OSBPL2: variants seen among roughly 807,000 people sequenced by gnomAD.
OSBPL2 encodes oxysterol binding protein like 2.
OSBPL2 carries 18 observed loss-of-function variants against 58.4 expected under a neutral mutation model. The ratio of observed to expected loss-of-function variants is 0.31; its 90% CI spans 0.21 to 0.46. The LOEUF (loss-of-function observed/expected upper bound fraction) is 0.46, where lower values mean the gene tolerates loss of function less well. Ranked by LOEUF, OSBPL2 falls within the 20% of genes least tolerant of loss-of-function variation. The probability of loss-of-function intolerance (pLI) is 1.00; values close to 1 mark genes in which losing one functional copy is unlikely to be tolerated. For synonymous variants in OSBPL2, 221 were observed against 234.1 expected (o/e 0.94, Z 0.51); for missense variants, 461 against 616.5 (o/e 0.75, Z 2.67).
intron 1 of OSBPL2, among the ~76,000 whole-genome samples, chr20:62,240,136 A>C (rs1979624787): frequency 6.6e-6 from 1 of 152,072 alleles, no homozygotes; most frequent in Non-Finnish European, 1.5e-5. Context: ...TCCAGGTGCG[A>C]GCCACCGCGC....
rs1983340559 is a variant in OSBPL2 at position 62,289,327 on chromosome 20, A to T, written c.1246A>T (p.Met416Leu). The change falls in exon 12 of 14, where the codon ATG becomes TTG. Residue 416 changes from methionine (M) to leucine (L), a missense_variant. Met to Leu is a conservative substitution (Grantham distance 15). Around this residue, in one of 5 missense-constraint regions of OSBPL2, gnomAD observed 319 missense variants for 419.2 expected, o/e 0.76. Transcript: ENST00000313733. ...CATCCGCGGCATGGAGAATGGCAAC[A>T]TGGGTGCGTCCACGCAGTCAGAGGA... ...PDIRGMENGN[M>L]DLASQEKERL... The T allele has an allele frequency of 6.2e-7, 1 of 1,612,446 alleles. No homozygotes were observed. The highest frequency in any genetic ancestry group is 8.5e-7 in the Non-Finnish European group (1 of 1,179,286).
chr20:62,243,376 T>C (rs1357740086), intron 1 of OSBPL2, among the ~76,000 whole-genome samples: 2 of 152,138 alleles, frequency 1.3e-5, no homozygotes, highest in Non-Finnish European at 2.9e-5. Context: ...GTGCCTGAGC[T>C]GGGGCCAGGG....
rs539567780 is a variant in OSBPL2, at chr20:62,279,548, C to T, written c.674+209C>T. 18 of 580,788 alleles carry T rather than the reference C, an allele frequency of 3.1e-5. No homozygotes were observed. The Middle Eastern group carries it at 1.4e-3, about 45-fold the overall frequency. 36.0% of individuals were successfully genotyped at this position (580,788 alleles called of 1,614,324 possible). Reference sequence around the variant, plus strand: ...CGTCCTCACGTCTGCAGTTGGAATTCGCCCCCCTTTCGGTCACATCATTCA... The same window carrying T: ...CGTCCTCACGTCTGCAGTTGGAATTTGCCCCCCTTTCGGTCACATCATTCA... On this transcript the variant is annotated intron_variant, in intron 7 of 13. Transcript: ENST00000313733.
At chr20:62,293,397 A>G (rs1983655255) in intron 13 of OSBPL2, among the ~76,000 whole-genome samples, 1 of 152,116 alleles carries the variant, frequency 6.6e-6, no homozygotes, top group African/African-American at 2.4e-5. Context: ...CTTTGTCCTC[A>G]GTTAAAAAAA....
chr20:62,281,768 C>T (rs1243959757), intron 8 of OSBPL2, 22 bp from the exon 9 acceptor site: 13 of 1,564,718 alleles, frequency 8.3e-6, no homozygotes, highest in South Asian at 1.1e-5. Context: ...GCAGCAGAAA[C>T]CTGTGTTTGT....
chr20:62,281,750 G>T, intron 8 of OSBPL2, 40 bp from the exon 9 acceptor site: 1 of 1,473,528 alleles, frequency 6.8e-7, no homozygotes, highest in South Asian at 1.1e-5. Flanking sequence ...CCGGCTGTTT[G>T]CTGTCTTGCA....
intron 1 of OSBPL2, among the ~76,000 whole-genome samples, chr20:62,243,845 T>A (rs904911086): frequency 3.8e-4 from 32 of 84,088 alleles, no homozygotes; most frequent in African/African-American, 1.5e-3. Context: ...TTTTTTTAAA[T>A]TTTTTAATTA....
intron 9 of OSBPL2, among the ~76,000 whole-genome samples, 157 bp from the exon 10 acceptor site, chr20:62,283,889 C>T (rs902984403): frequency 3.3e-5 from 5 of 152,030 alleles, no homozygotes; most frequent in African/African-American, 7.3e-5. Flanking sequence ...ACGAATGGTC[C>T]CAGAATGCAA....
At chr20:62,278,053 C>T (rs1982500238) in intron 6 of OSBPL2, among the ~76,000 whole-genome samples, 1 of 152,218 alleles carries the variant, frequency 6.6e-6, no homozygotes, top group Non-Finnish European at 1.5e-5. Context: ...GCTTCTCCAC[C>T]TGCGTCTCTG....
At chr20:62,246,009 G>A (rs993763205) in intron 1 of OSBPL2, among the ~76,000 whole-genome samples, 2 of 152,252 alleles carry the variant, frequency 1.3e-5, no homozygotes, top group Non-Finnish European at 2.9e-5. Context: ...GTCCTTGACG[G>A]CCCTCCATCG....
At chr20:62,274,649 G>A (rs1221099126) in intron 6 of OSBPL2, among the ~76,000 whole-genome samples, 1 of 152,226 alleles carries the variant, frequency 6.6e-6, no homozygotes, top group Admixed American at 6.5e-5. Flanking sequence ...TTGCTGGTGG[G>A]ACACCCTTCA....
At chr20:62,270,135 C>T (rs528514358) in intron 4 of OSBPL2, among the ~76,000 whole-genome samples, 1 of 152,226 alleles carries the variant, frequency 6.6e-6, no homozygotes, top group Non-Finnish European at 1.5e-5. Flanking sequence ...CTCCGTCCAC[C>T]CTGCGCATGC....
chr20:62,256,278 C>T (rs1980918409), intron 2 of OSBPL2, 57 bp downstream of exon 2: 1 of 1,520,132 alleles, frequency 6.6e-7, no homozygotes, highest in African/African-American at 1.4e-5. Context: ...TCCCTGGATT[C>T]AGATGTTGGA....
At position 62,291,734 on chromosome 20, in the gene OSBPL2, G is replaced by A. The variant is rs1185288699; in HGVS notation, c.1281G>A (p.Glu427=). ...CCAGCCAGGAGAAGGAGCGGCTGGA[G>A]GAGAAGCAGAGAGAAGCACGGAGGG... ...DLASQEKERL[E]EKQREARRER... is the part of the protein sequence containing the mutation. Residue 427 remains glutamate (E), a synonymous_variant, in exon 13 of 14, where the codon GAG becomes GAA. Coordinates refer to ENST00000313733, the MANE Select transcript of OSBPL2 (RefSeq NM_144498.4). The A allele has an allele frequency of 6.2e-7, 1 of 1,613,696 alleles. No individual in the cohort carries two copies. Among genetic ancestry groups the A allele is most frequent in the Admixed American group, 1.7e-5 (1 of 60,026 alleles).
chr20:62,260,946 C>T (rs568076395), intron 3 of OSBPL2, among the ~76,000 whole-genome samples: 5 of 152,214 alleles, frequency 3.3e-5, no homozygotes, highest in South Asian at 2.1e-4. Flanking sequence ...GCTACGATGG[C>T]GCCGCTGCAC....
Position 62,286,726 on chromosome 20 carries a change from A to G in OSBPL2, c.1125+15A>G, listed in dbSNP as rs2297592. On this transcript the variant is annotated intron_variant, in intron 11 of 13. Coordinates refer to ENST00000313733, the MANE Select transcript of OSBPL2 (RefSeq NM_144498.4). ...ACTCTGCCCAGGTCTGTGTCCCTCC[A>G]TGGCCTGACGTCTCTGCCTGCTCAT... is the stretch of plus-strand genomic sequence containing the variant. The G allele has an allele frequency of 0.45, 727,361 of 1,602,472 alleles. 166,231 individuals are homozygous for G. The highest frequency in any genetic ancestry group is 0.47 in the Non-Finnish European group (546,003 of 1,172,088).
chr20:62,244,305 C>T (rs762375943), intron 1 of OSBPL2, among the ~76,000 whole-genome samples: 8 of 152,218 alleles, frequency 5.3e-5, no homozygotes, highest in Non-Finnish European at 1.0e-4. Context: ...TCCTTCTCCT[C>T]TAGCTGCAGC....
chr20:62,291,441 CT>C (rs1983501906), intron 12 of OSBPL2: 1 of 473,680 alleles, frequency 2.1e-6, no homozygotes, highest in Admixed American at 3.2e-5. Flanking sequence ...CACCCGCAGA[CT>C]TTGAGTAGTG....
At chr20:62,292,452 CTG>C (rs1488750309) in intron 13 of OSBPL2, among the ~76,000 whole-genome samples, 1 of 152,220 alleles carries the variant, frequency 6.6e-6, no homozygotes, top group Non-Finnish European at 1.5e-5. Flanking sequence ...GTGGCATGGG[CTG>C]CGTGGGCCTC....
Sources: allele counts gnomAD v4.1 joint callset (sites outside exome capture counted in the v4.1 genomes callset), GRCh38; gene constraint gnomAD v4.1.1; regional missense constraint gnomAD v4.1.1; transcripts MANE v1.5; gene names NCBI Gene and HGNC (gene_info 2026-07-23, HGNC 2026-07-21).